The following RARB variants were observed in gnomAD, a reference collection of about 807,000 sequenced individuals.
The protein encoded by RARB is retinoic acid receptor beta.
RARB carries 17 observed loss-of-function variants against 51.9 expected under a neutral mutation model. The observed-to-expected ratio is 0.33, with a 90% confidence interval of 0.22 to 0.49. The LOEUF is 0.49. Among genes scored for constraint, RARB ranks in the 20% least tolerant of loss-of-function variants. RARB has a pLI of 0.99. For missense variants in RARB, 369 were observed against 550.8 expected (o/e 0.67, Z 3.30); for synonymous variants, 215 against 195.4 (o/e 1.10, Z -0.84).
At chr3:25,148,894 A>G (rs1700237421) in intron 4 of RARB, among the ~76,000 whole-genome samples, 2 of 151,742 alleles carry the variant, frequency 1.3e-5, no homozygotes, top group East Asian at 1.9e-4. Flanking sequence ...TTCTTCCCCT[A>G]TCTTTTTTCA....
At chr3:25,394,620 C>T (rs1034776957) in intron 5 of RARB, among the ~76,000 whole-genome samples, 12 of 152,038 alleles carry the variant, frequency 7.9e-5, no homozygotes, top group African/African-American at 2.9e-4. Context: ...GTGATATTTT[C>T]CTATGGAAGT....
chr3:25,395,014 C>G (rs773912692), intron 5 of RARB, among the ~76,000 whole-genome samples: 2 of 152,124 alleles, frequency 1.3e-5, no homozygotes, highest in Non-Finnish European at 2.9e-5. Flanking sequence ...GGGATTTATG[C>G]TTCAAGGAGG....
At chr3:24,939,173 T>G (rs1036669314) in intron 2 of RARB, among the ~76,000 whole-genome samples, 5 of 152,078 alleles carry the variant, frequency 3.3e-5, no homozygotes, top group African/African-American at 1.2e-4. Flanking sequence ...TAGTAGAAAC[T>G]GGGTTTCATT....
chr3:25,145,098 T>A (rs1700166460), intron 4 of RARB, among the ~76,000 whole-genome samples: 1 of 152,150 alleles, frequency 6.6e-6, no homozygotes, highest in Admixed American at 6.5e-5. Flanking sequence ...TAGACTGAGT[T>A]GTCTCAGCAT....
intron 2 of RARB, among the ~76,000 whole-genome samples, chr3:25,002,019 C>A (rs1201372918): frequency 6.6e-6 from 1 of 152,118 alleles, no homozygotes. Flanking sequence ...GATCCATGCA[C>A]CTCAGCCTCC....
rs144405152 is a variant in RARB, at chr3:25,036,388, C to A, written c.-379-23737C>A. 7.9e-5 allele frequency among the ~76,000 whole-genome samples: 12 copies of A among 152,202 alleles called. 1 individual carries two copies. Among genetic ancestry groups the A allele is most frequent in the Admixed American group, 7.9e-4 (12 of 15,286 alleles). Reference sequence around the variant, plus strand: ...AAATCCCAAACCCTCTCCATTCTACCGTAAAAATGTATAGCATTTTTACTC... The same window carrying A: ...AAATCCCAAACCCTCTCCATTCTACAGTAAAAATGTATAGCATTTTTACTC... On this transcript the variant is annotated intron_variant, in intron 2 of 11. Coordinates refer to the RARB transcript ENST00000383772.
intron 2 of RARB, among the ~76,000 whole-genome samples, chr3:24,950,952 G>C (rs1043933673): frequency 6.6e-6 from 1 of 152,172 alleles, no homozygotes; most frequent in African/African-American, 2.4e-5. Flanking sequence ...CTTCTAGATG[G>C]TCTCAGGAGG....
intron 3 of RARB, among the ~76,000 whole-genome samples, chr3:25,107,858 G>C (rs1195177997): frequency 6.6e-6 from 1 of 152,048 alleles, no homozygotes; most frequent in East Asian, 1.9e-4. Context: ...GTAGATCTTA[G>C]CAACCTCAGC....
intron 5 of RARB, among the ~76,000 whole-genome samples, chr3:25,320,927 C>A (rs1305767035): frequency 6.6e-6 from 1 of 152,204 alleles, no homozygotes; most frequent in Non-Finnish European, 1.5e-5. Flanking sequence ...AGGATAGAAC[C>A]TGGAAAATTC....
intron 2 of RARB, among the ~76,000 whole-genome samples, chr3:25,469,719 T>G (rs1695599532): frequency 6.6e-6 from 1 of 152,192 alleles, no homozygotes; most frequent in Non-Finnish European, 1.5e-5. Context: ...AAGTTTTGTG[T>G]ATATTTTTTC....
chr3:25,180,928 A>G (rs928046394), intron 5 of RARB, among the ~76,000 whole-genome samples: 1 of 152,166 alleles, frequency 6.6e-6, no homozygotes, highest in Non-Finnish European at 1.5e-5. Flanking sequence ...ATTAATTGTC[A>G]AAAATAACAT....
At chr3:24,956,996 G>A (rs893738717) in intron 2 of RARB, among the ~76,000 whole-genome samples, 2 of 152,160 alleles carry the variant, frequency 1.3e-5, no homozygotes, top group Non-Finnish European at 2.9e-5. Context: ...TCAGAATTGA[G>A]GCAAAGGGGT....
chr3:25,223,721 G>A (rs988882107), intron 5 of RARB, among the ~76,000 whole-genome samples: 1 of 152,218 alleles, frequency 6.6e-6, no homozygotes, highest in Non-Finnish European at 1.5e-5. Flanking sequence ...AAAGAGAAAA[G>A]TTCCATTAGT....
chr3:25,482,572 C>G (rs952659707), intron 2 of RARB, among the ~76,000 whole-genome samples: 1 of 105,606 alleles, frequency 9.5e-6, no homozygotes, highest in Non-Finnish European at 1.7e-5. Flanking sequence ...CGGAGTCTCT[C>G]TCTGTCTCCC....
At chr3:25,217,112 G>A (rs183947882) in intron 5 of RARB, among the ~76,000 whole-genome samples, 10 of 152,170 alleles carry the variant, frequency 6.6e-5, no homozygotes, top group African/African-American at 2.2e-4. Flanking sequence ...AGGAGGAAGC[G>A]GTGATATTGC....
intron 5 of RARB, among the ~76,000 whole-genome samples, chr3:25,228,959 T>C (rs1000737369): frequency 6.6e-6 from 1 of 152,140 alleles, no homozygotes; most frequent in Admixed American, 6.6e-5. Flanking sequence ...CTCTACAATA[T>C]GCTCTCCTTG....
chr3:25,056,215 G>A (rs750643020), intron 2 of RARB, among the ~76,000 whole-genome samples: 1 of 152,038 alleles, frequency 6.6e-6, no homozygotes, highest in African/African-American at 2.4e-5. Flanking sequence ...CAGAAGCAGG[G>A]TAGCCATCTC....
intron 1 of RARB, among the ~76,000 whole-genome samples, chr3:25,444,311 T>A (rs1559405535): frequency 6.6e-6 from 1 of 152,166 alleles, no homozygotes; most frequent in Non-Finnish European, 1.5e-5. Context: ...CGATATAAAT[T>A]TCTATTTTGT....
At chr3:24,927,702 TAG>T (rs923638203) in intron 2 of RARB, among the ~76,000 whole-genome samples, 5 of 152,106 alleles carry the variant, frequency 3.3e-5, no homozygotes, top group African/African-American at 1.2e-4. Context: ...TATTATTATA[TAG>T]ACTCACTAGT....
Sources: allele counts gnomAD v4.1 joint callset (sites outside exome capture counted in the v4.1 genomes callset), GRCh38; gene constraint gnomAD v4.1.1; transcripts MANE v1.5; gene names NCBI Gene and HGNC (gene_info 2026-07-23, HGNC 2026-07-21).